The following TRIO variants were observed in gnomAD, a reference collection of about 807,000 sequenced individuals.
TRIO encodes the protein triple functional domain protein.
Under a neutral mutation model 351.9 loss-of-function variants are expected in TRIO, and 58 were observed. That is an observed-to-expected ratio of 0.16 (90% CI 0.13 to 0.21). The LOEUF is 0.21. TRIO is among the 10% of genes least tolerant of loss of function. The pLI is 1.00. For synonymous variants in TRIO, 1,758 were observed against 1,595.7 expected, an observed-to-expected ratio of 1.10 and a Z score of -2.42; for missense variants, 3,201 against 4,027.8, an observed-to-expected ratio of 0.79 and a Z score of 5.56.
chr5:14,487,233 G>A (rs766952637), intron 47 of TRIO, among the ~76,000 whole-genome samples: 30 of 152,282 alleles, frequency 2.0e-4, no homozygotes, highest in Middle Eastern at 3.4e-3. Context: ...CTGGCCCTTA[G>A]TCCGGGATGT....
chr5:14,395,916 G>A (rs1319846210), intron 28 of TRIO, among the ~76,000 whole-genome samples: 2 of 151,872 alleles, frequency 1.3e-5, no homozygotes, highest in African/African-American at 2.4e-5. Flanking sequence ...CATGGTGGCG[G>A]GCGCCTGTAG....
In TRIO at chr5:14,207,318, T is replaced by A. The variant is rs1391377674; in HGVS notation, c.157+63436T>A. ...CCAGGTAGCATAGCAAGACTGTCTC[T>A]CACACACACACACACACACACACAC... is the stretch of plus-strand genomic sequence containing the variant. On this transcript the variant is annotated intron_variant, in intron 1 of 56. Transcript: ENST00000344204. Among the ~76,000 whole-genome samples, 24 of 11,058 alleles carry A rather than the reference T, an allele frequency of 2.2e-3. 1 individual carries two copies. Among genetic ancestry groups the A allele is most frequent in the Non-Finnish European group, 2.8e-3 (15 of 5,366 alleles). 7.3% of individuals were successfully genotyped at this position (11,058 alleles called of 152,430 possible).
intron 1 of TRIO, among the ~76,000 whole-genome samples, chr5:14,183,445 G>T (rs1314968608): frequency 1.3e-5 from 2 of 151,920 alleles, no homozygotes; most frequent in African/African-American, 4.8e-5. Flanking sequence ...GCTTAAAAGG[G>T]ATCAGTTTGT....
At chr5:14,349,807 A>T (rs1010796384) in intron 11 of TRIO, among the ~76,000 whole-genome samples, 1 of 152,182 alleles carries the variant, frequency 6.6e-6, no homozygotes, top group Non-Finnish European at 1.5e-5. Context: ...GTTGGTGTAC[A>T]GATTATTTCT....
At chr5:14,312,301 T>C (rs42405) in intron 8 of TRIO, among the ~76,000 whole-genome samples, 131,901 of 152,288 alleles carry the variant, frequency 0.87, 57,609 homozygotes, top group African/African-American at 0.96. Flanking sequence ...TAAATAGTTA[T>C]ACTACCTTTT....
intron 1 of TRIO, among the ~76,000 whole-genome samples, chr5:14,188,583 T>TG (rs528536122): frequency 2.3e-4 from 35 of 152,378 alleles, no homozygotes; most frequent in Admixed American, 2.0e-3. Context: ...GCAAAGTGTT[T>TG]CTATTTTTGA....
Position 14,487,976 on chromosome 5 carries a change from CG to C in TRIO, c.7351del (p.Ala2451ProfsTer7). ...GGGCACCCTGCCGCTTGGGAAGCCC[CG>C]GGCCGGGGCCGCTTCGCCGCTGAAC... Reference protein sequence around the residue: ...SLGTLPLGKPRAGAASPLNSP... With the variant: ...SLGTLPLGKPXAGAASPLNSP... On this transcript the variant is annotated frameshift_variant, in exon 48 of 57. Transcript: ENST00000344204. LOFTEE classifies it high-confidence loss of function. The C allele has an allele frequency of 6.4e-7, 1 of 1,554,104 alleles. No homozygotes were observed. The highest frequency in any genetic ancestry group is 1.2e-5 in the South Asian group (1 of 84,466).
At chr5:14,409,646 A>C (rs962452574) in intron 33 of TRIO, among the ~76,000 whole-genome samples, 1 of 152,056 alleles carries the variant, frequency 6.6e-6, no homozygotes, top group Non-Finnish European at 1.5e-5. Flanking sequence ...CATCCTGGCT[A>C]ACATGGTGAA....
rs554786644 is a variant in TRIO at position 14,238,049 on chromosome 5, T to C, written c.158-32776T>C. The stretch of plus-strand genomic sequence containing the variant: ...ACATGTAGGAATTTTCCTTTTTACT[T>C]TTTGTGAATTTAAGTGATTATAATA... On this transcript the variant is annotated intron_variant, in intron 1 of 56. Transcript: ENST00000344204. 3.3e-5 allele frequency among the ~76,000 whole-genome samples: 5 copies of C among 152,348 alleles called. No homozygotes were observed. In the East Asian group the frequency reaches 9.6e-4, roughly 29 times the overall value.
In TRIO at chr5:14,481,436, A is replaced by G. The variant is rs1331115621; in HGVS notation, c.6388-105A>G. 3.3e-6 allele frequency: 5 copies of G among 1,496,652 alleles called. No individual in the cohort carries two copies. In the Admixed American group the frequency reaches 5.2e-5, roughly 15 times the overall value. 92.7% of individuals were successfully genotyped at this position (1,496,652 alleles called of 1,614,324 possible). A position where few individuals can be genotyped will look rare whatever the true frequency, so the allele number is the denominator to read the frequency against. On this transcript the variant is annotated intron_variant, in intron 44 of 56. Coordinates refer to ENST00000344204, the MANE Select transcript of TRIO (RefSeq NM_007118.4). The stretch of plus-strand genomic sequence containing the variant: ...TGCATCTCCATAAGCCCTGCACACT[A>G]GAGGGTGGGGAGGAAGAACAGAACT...
At chr5:14,492,363 A>G in intron 48 of TRIO, 1 of 676,400 alleles carries the variant, frequency 1.5e-6, no homozygotes, top group Non-Finnish European at 2.4e-6. Context: ...ATTGCTTTCT[A>G]GAGAAATTAC....
intron 1 of TRIO, among the ~76,000 whole-genome samples, chr5:14,262,244 A>G (rs1330259428): frequency 2.7e-5 from 4 of 149,406 alleles, no homozygotes; most frequent in African/African-American, 9.9e-5. Flanking sequence ...GTGTTGTGGG[A>G]GTGCATCTTG....
In TRIO at chr5:14,487,537, CG is replaced by C; in HGVS notation, c.6914del (p.Gly2305ValfsTer108). 1 of 293,832 alleles carries C rather than the reference CG, an allele frequency of 3.4e-6. No individual in the cohort carries two copies. 18.2% of individuals were successfully genotyped at this position (293,832 alleles called of 1,614,324 possible). On this transcript the variant is annotated frameshift_variant, in exon 48 of 57. Transcript: ENST00000344204. LOFTEE classifies it high-confidence loss of function. ...GGGGGSGGSGGGGGSGGGGAP... is the reference protein window; with the variant it reads ...GGGGGSGGSGXGGGSGGGGAP... ...GCGGCGGCGGCAGCGGGGGCAGCGG[CG>C]GGGGTGGGGGCAGCGGCGGCGGCGG...
intron 35 of TRIO, among the ~76,000 whole-genome samples, chr5:14,462,084 A>G (rs1274201396): frequency 6.6e-6 from 1 of 152,242 alleles, no homozygotes; most frequent in Non-Finnish European, 1.5e-5. Context: ...AGTCTCACAC[A>G]GGTTCGAAAA....
chr5:14,364,901 A>G, intron 15 of TRIO, 85 bp downstream of exon 15: 1 of 1,465,312 alleles, frequency 6.8e-7, no homozygotes, highest in Non-Finnish European at 9.1e-7. Flanking sequence ...GACCTGTAGC[A>G]TTGGGAAGGA....
chr5:14,477,066 T>C, intron 41 of TRIO, 103 bp downstream of exon 41: 6 of 989,678 alleles, frequency 6.1e-6, no homozygotes, highest in Non-Finnish European at 9.1e-6. Flanking sequence ...TGTAAGTGCG[T>C]ATGTTTAAGA....
intron 31 of TRIO, among the ~76,000 whole-genome samples, chr5:14,403,881 AGGT>A (rs1201135201): frequency 2.8e-5 from 2 of 71,694 alleles, no homozygotes; most frequent in East Asian, 8.6e-4. Flanking sequence ...GTGAGGGTGC[AGGT>A]GGTGGTGAGG....
chr5:14,336,483 GCTGGTCTGCTTTTCACTTAC>G, intron 10 of TRIO, 33 bp from the exon 11 acceptor site: 1 of 1,588,828 alleles, frequency 6.3e-7, no homozygotes. Context: ...GCCCAGCCTG[GCTGGTCTGCTTTTCACTTAC>G]CTTCTGTTTC....
At chr5:14,331,057 G>A (rs953147067) in intron 10 of TRIO, among the ~76,000 whole-genome samples, 157 bp downstream of exon 10, 2 of 152,274 alleles carry the variant, frequency 1.3e-5, no homozygotes, top group African/African-American at 4.8e-5. Flanking sequence ...AGTTGTCATT[G>A]CCTAGGCAGA....
Sources: allele counts gnomAD v4.1 joint callset (sites outside exome capture counted in the v4.1 genomes callset), GRCh38; gene constraint gnomAD v4.1.1; transcripts MANE v1.5; gene names NCBI Gene and HGNC (gene_info 2026-07-23, HGNC 2026-07-21).